The following AHCYL2 variants were observed in gnomAD, a reference collection of about 807,000 sequenced individuals.
AHCYL2 encodes S-adenosylhomocysteine hydrolase-like protein 2.
A neutral mutation model predicts 81.4 loss-of-function variants in AHCYL2; 28 were observed. That is an observed-to-expected ratio of 0.34 (90% confidence interval 0.25 to 0.47). The LOEUF is 0.47. Ranked by LOEUF, AHCYL2 falls within the 20% of genes least tolerant of loss-of-function variation. The pLI is 1.00. For missense variants in AHCYL2, 551 were observed against 785.1 expected, an observed-to-expected ratio of 0.70 and a Z score of 3.56; for synonymous variants, 272 against 290.2, an observed-to-expected ratio of 0.94 and a Z score of 0.64.
chr7:129,328,247 C>T (rs971888818), intron 1 of AHCYL2, among the ~76,000 whole-genome samples: 5 of 151,614 alleles, frequency 3.3e-5, no homozygotes, highest in Admixed American at 6.6e-5. Context: ...GCACAATCTT[C>T]GCTCACTGCA....
chr7:129,377,770 A>G, intron 1 of AHCYL2: 1 of 373,888 alleles, frequency 2.7e-6, no homozygotes. Flanking sequence ...CCAAACAAGT[A>G]TAGCTTACAA....
chr7:129,345,197 A>G (rs1249016019), intron 1 of AHCYL2, among the ~76,000 whole-genome samples: 2 of 152,178 alleles, frequency 1.3e-5, no homozygotes, highest in East Asian at 3.8e-4. Flanking sequence ...AGCTGTGCAT[A>G]TGAGGTTTGC....
chr7:129,349,080 T>C (rs759007096), intron 1 of AHCYL2, among the ~76,000 whole-genome samples: 3 of 152,216 alleles, frequency 2.0e-5, no homozygotes, highest in Non-Finnish European at 4.4e-5. Context: ...TTTCTAAATA[T>C]ATCATGTCTA....
At chr7:129,227,549 C>G (rs1794271645) in intron 1 of AHCYL2, among the ~76,000 whole-genome samples, 1 of 147,294 alleles carries the variant, frequency 6.8e-6, no homozygotes, top group Non-Finnish European at 1.5e-5. Context: ...TCACCTGAGC[C>G]CAGGAAGTTG....
intron 1 of AHCYL2, among the ~76,000 whole-genome samples, chr7:129,266,801 C>T (rs995307613): frequency 2.2e-4 from 33 of 152,038 alleles, no homozygotes; most frequent in Admixed American, 1.9e-3. Context: ...ATCACTTATT[C>T]AAATTAGAAT....
intron 2 of AHCYL2, among the ~76,000 whole-genome samples, chr7:129,384,901 G>A (rs531898122): frequency 8.5e-5 from 13 of 152,244 alleles, no homozygotes; most frequent in South Asian, 6.2e-4. Flanking sequence ...GTTGAAAAAC[G>A]CTGCATTAAT....
intron 1 of AHCYL2, among the ~76,000 whole-genome samples, chr7:129,361,413 A>G (rs749146681): frequency 2.0e-5 from 3 of 152,156 alleles, no homozygotes; most frequent in East Asian, 1.9e-4. Context: ...ACACTTTTAT[A>G]TACTTATTTA....
intron 1 of AHCYL2, among the ~76,000 whole-genome samples, chr7:129,373,890 G>A (rs1187202752): frequency 6.6e-6 from 1 of 152,190 alleles, no homozygotes; most frequent in African/African-American, 2.4e-5. Context: ...TTATGAGTAA[G>A]AGATCAGAAT....
chr7:129,330,776 A>T (rs898676120), intron 1 of AHCYL2, among the ~76,000 whole-genome samples: 3 of 152,328 alleles, frequency 2.0e-5, no homozygotes, highest in African/African-American at 4.8e-5. Context: ...TACATTTTTT[A>T]AAAAAGGAAA....
At chr7:129,327,749 C>T (rs1291214992) in intron 1 of AHCYL2, among the ~76,000 whole-genome samples, 1 of 151,780 alleles carries the variant, frequency 6.6e-6, no homozygotes, top group Non-Finnish European at 1.5e-5. Context: ...CAGGCGTGAG[C>T]CACCGTACCT....
chr7:129,234,377 T>G (rs1794563748), intron 1 of AHCYL2, among the ~76,000 whole-genome samples: 1 of 152,196 alleles, frequency 6.6e-6, no homozygotes, highest in African/African-American at 2.4e-5. Context: ...CTCAAGTAGC[T>G]GGGATTACAG....
Position 129,225,331 on chromosome 7 carries a change from C to T in AHCYL2, c.255C>T (p.Ala85=), listed in dbSNP as rs116724734. ...PAAGKVPQAS[A]MKRSDPHHQH... The stretch of plus-strand genomic sequence containing the variant: ...CCGGGAAGGTGCCTCAGGCGTCGGC[C>T]ATGAAGCGGAGCGACCCACATCACC... The change falls in exon 1 of 17, where the codon GCC becomes GCT. Residue 85 remains alanine, a synonymous_variant. Transcript: ENST00000325006. 1.3e-5 allele frequency: 19 copies of T among 1,500,374 alleles called. No homozygotes were observed. The African/African-American group carries it at 2.6e-4, about 21-fold the overall frequency. 92.9% of individuals were successfully genotyped at this position (1,500,374 alleles called of 1,614,324 possible). A position where few individuals can be genotyped will look rare whatever the true frequency, so the allele number is the denominator to read the frequency against.
intron 1 of AHCYL2, among the ~76,000 whole-genome samples, chr7:129,269,941 A>G (rs886371156): frequency 4.6e-5 from 7 of 152,250 alleles, no homozygotes; most frequent in Non-Finnish European, 8.8e-5. Context: ...TTATAATTTC[A>G]TATTACCATT....
chr7:129,379,890 A>C, intron 2 of AHCYL2, 141 bp downstream of exon 2: 1 of 608,672 alleles, frequency 1.6e-6, no homozygotes, highest in Non-Finnish European at 2.7e-6. Flanking sequence ...TTAGACTAAA[A>C]TGCTGGGTGG....
At chr7:129,306,149 G>A (rs1332619968) in intron 1 of AHCYL2, among the ~76,000 whole-genome samples, 3 of 152,144 alleles carry the variant, frequency 2.0e-5, no homozygotes, top group African/African-American at 7.2e-5. Context: ...GGCTTGGGAA[G>A]TTCTCTATTG....
At chr7:129,361,665 C>G (rs757984242) in intron 1 of AHCYL2, among the ~76,000 whole-genome samples, 1 of 152,110 alleles carries the variant, frequency 6.6e-6, no homozygotes, top group Non-Finnish European at 1.5e-5. Flanking sequence ...CAGTCTTGTT[C>G]TATCTCCCAG....
At chr7:129,278,805 C>T (rs1796315625) in intron 1 of AHCYL2, among the ~76,000 whole-genome samples, 1 of 120,296 alleles carries the variant, frequency 8.3e-6, no homozygotes. Context: ...CTAATTGTTG[C>T]AGTATCATTT....
intron 1 of AHCYL2, among the ~76,000 whole-genome samples, chr7:129,253,411 G>A (rs1795307380): frequency 6.6e-6 from 1 of 152,158 alleles, no homozygotes; most frequent in Non-Finnish European, 1.5e-5. Context: ...ACTGTGATAA[G>A]CAATTGTAGT....
chr7:129,330,289 C>T (rs1273469076), intron 1 of AHCYL2, among the ~76,000 whole-genome samples: 3 of 152,220 alleles, frequency 2.0e-5, no homozygotes, highest in African/African-American at 7.2e-5. Context: ...TGAGCCGCTG[C>T]ACCCTGCCCA....
Sources: allele counts gnomAD v4.1 joint callset (sites outside exome capture counted in the v4.1 genomes callset), GRCh38; gene constraint gnomAD v4.1.1; transcripts MANE v1.5; gene names NCBI Gene and HGNC (gene_info 2026-07-23, HGNC 2026-07-21).